LONRF3: variants seen among roughly 807,000 people sequenced by gnomAD.
LONRF3 encodes the protein LON peptidase N-terminal domain and ring finger 3, also known as LON peptidase N-terminal domain and RING finger protein 3.
Under a neutral mutation model 51.7 loss-of-function variants are expected in LONRF3, and 19 were observed. The observed-to-expected ratio is 0.37, with a 90% CI of 0.26 to 0.54. LONRF3 has a LOEUF of 0.54. Among genes scored for constraint, LONRF3 ranks in the 20% least tolerant of loss-of-function variants. The probability of loss-of-function intolerance (pLI) is 0.86; values close to 1 mark genes in which losing one functional copy is unlikely to be tolerated. For missense variants in LONRF3, 521 were observed against 623.9 expected, an observed-to-expected ratio of 0.84 and a Z score of 1.76; for synonymous variants, 265 against 257.8, an observed-to-expected ratio of 1.03 and a Z score of -0.27.
chrX:118,975,140 G>T lies in LONRF3; in HGVS notation c.360G>T (p.Ala120=), dbSNP rs1241310531. Residue 120 remains alanine (A), a synonymous_variant, in exon 1 of 11, where the codon GCG becomes GCT. Transcript: ENST00000371628. The part of the protein sequence containing the change: ...CLAEKVPQGE[A]LAPAPPDEGS... ...CGGAGAAAGTCCCGCAAGGCGAGGC[G>T]CTGGCGCCGGCGCCCCCGGACGAGG... 2 of 1,168,166 alleles carry T rather than the reference G, an allele frequency of 1.7e-6. No individual in the cohort carries two copies. Among genetic ancestry groups the T allele is most frequent in the Non-Finnish European group, 2.3e-6 (2 of 874,417 alleles).
chrX:118,986,838 C>A, intron 3 of LONRF3: 1 of 868,182 alleles, frequency 1.2e-6, no homozygotes, highest in African/African-American at 2.0e-5. Context: ...GCCCTGCAAG[C>A]TGGCTCCCTC....
chrX:118,991,335 C>G (rs982757484), intron 5 of LONRF3, among the ~76,000 whole-genome samples: 1 of 111,858 alleles, frequency 8.9e-6, no homozygotes, highest in Admixed American at 9.5e-5. Flanking sequence ...GATCCCAGCA[C>G]TAATCTCAGT....
At chrX:118,992,265 G>A (rs1923484293) in intron 5 of LONRF3, among the ~76,000 whole-genome samples, 1 of 111,324 alleles carries the variant, frequency 9.0e-6, no homozygotes, top group South Asian at 3.8e-4. Flanking sequence ...GAGGCAAATA[G>A]CCTCGGTCGA....
chrX:118,980,617 GT>G (rs1178190032), intron 2 of LONRF3, among the ~76,000 whole-genome samples: 2 of 110,460 alleles, frequency 1.8e-5, no homozygotes, highest in African/African-American at 6.6e-5. Context: ...GATTAGTATG[GT>G]TTTTTTTCCC....
chrX:118,978,525 G>GCC, intron 2 of LONRF3, 62 bp downstream of exon 2: 1 of 753,424 alleles, frequency 1.3e-6, no homozygotes, highest in Non-Finnish European at 2.0e-6. Context: ...GGCAGGAAGG[G>GCC]CTGCCTCCCT....
intron 2 of LONRF3, among the ~76,000 whole-genome samples, 166 bp from the exon 3 acceptor site, chrX:118,982,652 GTCT>G (rs1234372841): frequency 2.7e-5 from 3 of 112,051 alleles, no homozygotes; most frequent in Non-Finnish European, 3.8e-5. Context: ...TTTCAGTTTT[GTCT>G]TCTTTATAAT....
intron 3 of LONRF3, among the ~76,000 whole-genome samples, chrX:118,987,651 T>C (rs929137165): frequency 9.2e-6 from 1 of 109,099 alleles, no homozygotes; most frequent in Non-Finnish European, 1.9e-5. Context: ...CCCTGGGCCA[T>C]ACCATTTGGG....
intron 3 of LONRF3, among the ~76,000 whole-genome samples, chrX:118,984,053 G>T (rs369471661): frequency 1.8e-5 from 2 of 112,037 alleles, no homozygotes; most frequent in Non-Finnish European, 3.8e-5. Flanking sequence ...GCTAACATTC[G>T]TTGAGAATTT....
At chrX:118,980,093 G>T (rs1416169839) in intron 2 of LONRF3, among the ~76,000 whole-genome samples, 1 of 112,209 alleles carries the variant, frequency 8.9e-6, no homozygotes, top group Non-Finnish European at 1.9e-5. Context: ...AGTGAACGTG[G>T]CCAAGAGGAC....
At chrX:119,006,346 G>A (rs890829538) in intron 6 of LONRF3, 111 bp downstream of exon 6, 29 of 453,834 alleles carry the variant, frequency 6.4e-5, no homozygotes, top group Non-Finnish European at 9.5e-5. Context: ...CCCCAGCCAC[G>A]GCACTGTGGT....
chrX:118,978,211 G>A (rs1922238846), intron 1 of LONRF3, 134 bp from the exon 2 acceptor site: 1 of 487,869 alleles, frequency 2.0e-6, no homozygotes, highest in Non-Finnish European at 3.6e-6. Context: ...TAGAAATAGA[G>A]CCTAACCCTT....
At position 119,018,144 on chromosome X, in the gene LONRF3, C is replaced by A. The variant is rs1302908381; in HGVS notation, c.*454C>A. 2 of 112,758 alleles carry A rather than the reference C, an allele frequency of 1.8e-5. No individual in the cohort carries two copies. The highest frequency in any genetic ancestry group is 3.7e-5 in the Non-Finnish European group (2 of 53,659). 9.3% of individuals were successfully genotyped at this position (112,758 alleles called of 1,213,427 possible). On this transcript the variant is annotated 3_prime_UTR_variant, in exon 11 of 11. Coordinates refer to ENST00000371628, the MANE Select transcript of LONRF3 (RefSeq NM_001031855.3). ...ATAGAGCATTGTGTAAAATAATGTT[C>A]ATACTTCTTTCTGTTTTAATAATTT...
At chrX:118,994,549 C>T (rs757083107) in intron 5 of LONRF3, among the ~76,000 whole-genome samples, 26 of 110,680 alleles carry the variant, frequency 2.3e-4, no homozygotes, top group Non-Finnish European at 4.5e-4. Context: ...ATTACAGGCA[C>T]GTGCCACCAT....
intron 3 of LONRF3, among the ~76,000 whole-genome samples, chrX:118,987,445 G>GTTTTTTTGTT (rs763347940): frequency 3.1e-5 from 1 of 32,304 alleles, no homozygotes; most frequent in African/African-American, 1.5e-4. Context: ...GCCTGGCTAA[G>GTTTTTTTGTT]TTTTTTTTTT....
chrX:118,988,986 G>A (rs1293863104), intron 3 of LONRF3, among the ~76,000 whole-genome samples: 3 of 110,575 alleles, frequency 2.7e-5, no homozygotes, highest in Non-Finnish European at 5.7e-5. Flanking sequence ...GCAGACGGCC[G>A]TGAATGGCAG....
chrX:119,004,066 C>T (rs1924527692), intron 5 of LONRF3, among the ~76,000 whole-genome samples: 1 of 111,009 alleles, frequency 9.0e-6, no homozygotes, highest in Non-Finnish European at 1.9e-5. Flanking sequence ...TTTCTAAGTT[C>T]ACCATCATAT....
intron 2 of LONRF3, among the ~76,000 whole-genome samples, chrX:118,982,411 G>T (rs754982747): frequency 1.8e-5 from 2 of 111,678 alleles, no homozygotes; most frequent in East Asian, 5.7e-4. Context: ...CTGCTTGAGA[G>T]ACTAGTTCAA....
At position 118,975,198 on chromosome X, in the gene LONRF3, G is replaced by C. The variant is rs760369162; in HGVS notation, c.418G>C (p.Glu140Gln). Residue 140 changes from glutamate to glutamine, a missense_variant, in exon 1 of 11, where the codon GAG becomes CAG. By Grantham distance (29) the Glu-to-Gln change is conservative. Around this residue, in one of 2 missense-constraint regions of LONRF3, gnomAD observed 376 missense variants for 376.7 expected, o/e 1.00. Transcript: ENST00000371628. ...TGCAAGCGGCACCGTGGCGGCGGAAGAGACGGGGGCCGCCGCGGCTGCGGC... is the reference window on the plus strand; with the variant it reads ...TGCAAGCGGCACCGTGGCGGCGGAACAGACGGGGGCCGCCGCGGCTGCGGC... ...STASGTVAAEETGAAAAAAAT... is the reference protein window; with the variant it reads ...STASGTVAAEQTGAAAAAAAT... The C allele has an allele frequency of 2.6e-6, 3 of 1,173,850 alleles. No individual in the cohort carries two copies. The South Asian group carries it at 5.6e-5, about 22-fold the overall frequency.
At chrX:119,015,637 G>GT (rs1432509236) in intron 10 of LONRF3, among the ~76,000 whole-genome samples, 1 of 112,095 alleles carries the variant, frequency 8.9e-6, no homozygotes, top group Non-Finnish European at 1.9e-5. Context: ...TCCGGGAAGC[G>GT]TTCTCCCTTA....
Sources: allele counts gnomAD v4.1 joint callset (sites outside exome capture counted in the v4.1 genomes callset), GRCh38; gene constraint gnomAD v4.1.1; regional missense constraint gnomAD v4.1.1; transcripts MANE v1.5; gene names NCBI Gene and HGNC (gene_info 2026-07-23, HGNC 2026-07-21).